LAMA5: variants seen among roughly 807,000 people sequenced by gnomAD.
LAMA5 encodes the protein laminin subunit alpha 5.
Under a neutral mutation model 433.4 loss-of-function variants are expected in LAMA5, and 260 were observed. That is an observed-to-expected ratio of 0.60 (90% CI 0.54 to 0.66). LAMA5 has a LOEUF of 0.66. Among genes scored for constraint, LAMA5 ranks in the 30% least tolerant of loss-of-function variants. The pLI is 0.00. For missense variants in LAMA5, 5,378 were observed against 5,258.5 expected (o/e 1.02, Z -0.70); for synonymous variants, 2,620 against 2,226.6 (o/e 1.18, Z -4.97).
At chr20:62,357,320 G>T (rs1985384100) in intron 2 of LAMA5, among the ~76,000 whole-genome samples, 1 of 152,186 alleles carries the variant, frequency 6.6e-6, no homozygotes, top group African/African-American at 2.4e-5. Flanking sequence ...GGCAGGAAAA[G>T]CCCCTCCTAG....
intron 48 of LAMA5, 146 bp downstream of exon 48, chr20:62,321,873 G>C: frequency 2.5e-6 from 2 of 787,248 alleles, no homozygotes; most frequent in Non-Finnish European, 4.4e-6. Context: ...AGCGTGGTTG[G>C]AGTTGGACAG....
intron 17 of LAMA5, 112 bp downstream of exon 17, chr20:62,336,622 T>C (rs1981676493): frequency 3.8e-6 from 5 of 1,329,594 alleles, no homozygotes; most frequent in Non-Finnish European, 4.3e-6. Flanking sequence ...GGCCCTGGGG[T>C]TGCCATGGCA....
rs1378545112 is a variant in LAMA5, at chr20:62,322,757, C to T, written c.6066G>A (p.Arg2022=). ...CTGTCCCACATGGGGTACAGTCGCA[C>T]CCTGCAGAAGGGGTCCGTGACTGCA... is the stretch of plus-strand genomic sequence containing the variant. ...GNALLPGNCT[R]CDCTPCGTEA... is the part of the protein sequence containing the mutation. Residue 2022 remains arginine, a splice_region_variant and synonymous_variant, in exon 46 of 80, where the codon CGG becomes CGA. Coordinates refer to ENST00000252999, the MANE Select transcript of LAMA5 (RefSeq NM_005560.6). 2.0e-6 allele frequency: 3 copies of T among 1,498,424 alleles called. No homozygotes were observed. The highest frequency in any genetic ancestry group is 1.3e-5 in the South Asian group (1 of 75,610). 92.8% of individuals were successfully genotyped at this position (1,498,424 alleles called of 1,614,324 possible). A position where few individuals can be genotyped will look rare whatever the true frequency, so the allele number is the denominator to read the frequency against.
At chr20:62,360,999 G>A (rs187095155) in intron 2 of LAMA5, among the ~76,000 whole-genome samples, 34 of 152,270 alleles carry the variant, frequency 2.2e-4, no homozygotes, top group African/African-American at 7.7e-4. Context: ...TGGGGTTGCC[G>A]TGGAGACTGG....
rs749283348 is a variant in LAMA5 at position 62,338,530 on chromosome 20, G to C, written c.1556C>G (p.Pro519Arg). The C allele has an allele frequency of 6.2e-7, 1 of 1,610,742 alleles. No individual in the cohort carries two copies. The highest frequency in any genetic ancestry group is 1.1e-5 in the South Asian group (1 of 90,450). Reference protein sequence around the residue: ...DPRVGRCLCKPNFQGTHCELC... With the variant: ...DPRVGRCLCKRNFQGTHCELC... The stretch of plus-strand genomic sequence containing the variant: ...CTCACAATGGGTGCCTTGGAAGTTG[G>C]GTTTGCACAGACAGCGTCCCACCCT... Residue 519 changes from proline (P) to arginine (R), a missense_variant, in exon 12 of 80, where the codon CCC becomes CGC. Physicochemically the swap from Pro to Arg is moderately radical, Grantham distance 103. Coordinates refer to ENST00000252999, the MANE Select transcript of LAMA5 (RefSeq NM_005560.6).
chr20:62,354,931 C>T (rs1162084183), intron 2 of LAMA5, among the ~76,000 whole-genome samples: 3 of 152,204 alleles, frequency 2.0e-5, no homozygotes, highest in Non-Finnish European at 4.4e-5. Flanking sequence ...AAACACGAAC[C>T]TCTCCCCCGC....
At chr20:62,317,587 C>T in intron 54 of LAMA5, 75 bp downstream of exon 54, 3 of 1,521,290 alleles carry the variant, frequency 2.0e-6, no homozygotes, top group African/African-American at 1.4e-5. Context: ...CAAGTGTGCA[C>T]ACAAAGCTGC....
chr20:62,364,679 G>A (rs375454905), intron 1 of LAMA5, among the ~76,000 whole-genome samples: 84 of 152,332 alleles, frequency 5.5e-4, no homozygotes, highest in African/African-American at 1.8e-3. Context: ...AGGCTGGGCC[G>A]GCCAGGGATC....
At chr20:62,310,877 C>T (rs1601270348) in intron 74 of LAMA5, 25 bp downstream of exon 74, 8 of 1,606,612 alleles carry the variant, frequency 5.0e-6, no homozygotes, top group Non-Finnish European at 5.9e-6. Flanking sequence ...CCCTGCCCAC[C>T]ACCTTCCTTC....
chr20:62,329,837 G>A lies in LAMA5; in HGVS notation c.4059C>T (p.Asp1353=), dbSNP rs758954644. The part of the protein sequence containing the change: ...LVVCEGQALL[D]VTHSELTVTV... ...TCACAGTGAGCTCGCTGTGGGTCAC[G>A]TCCAGCAGGGCCTGGCCCTCACACA... The change falls in exon 32 of 80, where the codon GAC becomes GAT. Residue 1353 remains aspartate (D), a synonymous_variant. Coordinates refer to ENST00000252999, the MANE Select transcript of LAMA5 (RefSeq NM_005560.6). 1.2e-5 allele frequency: 20 copies of A among 1,612,384 alleles called. No homozygotes were observed. The highest frequency in any genetic ancestry group is 1.6e-4 in the Middle Eastern group (1 of 6,068).
chr20:62,319,076 C>A (rs1987371660), intron 51 of LAMA5, 63 bp from the exon 52 acceptor site: 2 of 1,432,308 alleles, frequency 1.4e-6, no homozygotes, highest in African/African-American at 1.4e-5. Context: ...TGCCTGCTGG[C>A]TTCCAAGCCC....
intron 28 of LAMA5, 150 bp downstream of exon 28, chr20:62,332,222 G>C (rs946862944): frequency 2.6e-5 from 16 of 614,406 alleles, no homozygotes; most frequent in Non-Finnish European, 3.8e-5. Context: ...CTTGCAGGAG[G>C]GGTTCCAGAA....
At chr20:62,340,059 C>T (rs1242683566) in intron 11 of LAMA5, among the ~76,000 whole-genome samples, 3 of 152,028 alleles carry the variant, frequency 2.0e-5, no homozygotes, top group Admixed American at 6.6e-5. Context: ...ACAGCGGTAA[C>T]GAGACAGAGG....
rs987459461 is a variant in LAMA5 at position 62,327,620 on chromosome 20, G to A, written c.4847C>T (p.Ser1616Leu). 2 of 1,613,074 alleles carry A rather than the reference G, an allele frequency of 1.2e-6. No homozygotes were observed. The highest frequency in any genetic ancestry group is 1.3e-5 in the African/African-American group (1 of 74,930). ...KCDQCSLGTF[S>L]LDAANPKGCT... The stretch of plus-strand genomic sequence containing the variant: ...ACCTTTGGGGTTGGCAGCATCCAGT[G>A]AGAAGGTCCCAAGGCTGCACTGGTC... Residue 1616 changes from serine (S) to leucine (L), a missense_variant, in exon 37 of 80, where the codon TCA becomes TTA. Transcript: ENST00000252999.
rs751129625 is a variant in LAMA5, at chr20:62,325,183, AGCAGGG to A, written c.5529+127_5529+132del. On this transcript the variant is annotated intron_variant, in intron 41 of 79. Transcript: ENST00000252999. ...ATGAGTTGGCCAGCAGCCTGTGAAA[AGCAGGG>A]GCAGGAAGAGAGGTGAGTAGGGTGA... is the stretch of plus-strand genomic sequence containing the variant. The A allele has an allele frequency of 2.2e-4, 131 of 596,466 alleles. No individual in the cohort carries two copies. In the Middle Eastern group the frequency reaches 2.3e-3, roughly 11 times the overall value. The allele number at this position is 596,466 out of a possible 1,614,324, so 36.9% of individuals were successfully genotyped here.
intron 37 of LAMA5, 26 bp from the exon 38 acceptor site, chr20:62,327,432 C>A: frequency 6.3e-7 from 1 of 1,592,904 alleles, no homozygotes; most frequent in Non-Finnish European, 8.6e-7. Flanking sequence ...TGTGGCTGCA[C>A]ACGGGTGGAT....
intron 48 of LAMA5, 114 bp downstream of exon 48, chr20:62,321,905 G>A: frequency 1.9e-6 from 2 of 1,048,814 alleles, no homozygotes; most frequent in Non-Finnish European, 2.9e-6. Context: ...TCGGGAAATG[G>A]AAGGCAGCTG....
chr20:62,326,217 C>CA (rs1979255340), intron 40 of LAMA5, among the ~76,000 whole-genome samples: 1 of 98,674 alleles, frequency 1.0e-5, no homozygotes, highest in South Asian at 3.5e-4. Context: ...AAGACTGTCT[C>CA]AAAAAACAAA....
intron 34 of LAMA5, among the ~76,000 whole-genome samples, 171 bp from the exon 35 acceptor site, chr20:62,328,616 G>A (rs1979752345): frequency 6.8e-6 from 1 of 146,140 alleles, no homozygotes; most frequent in African/African-American, 2.6e-5. Flanking sequence ...GGAGGCAGCT[G>A]CTCAGAATCA....
Sources: gnomAD v4.1 joint callset for allele counts (sites outside exome capture counted in the v4.1 genomes callset) on GRCh38, gnomAD v4.1.1 for gene constraint, MANE v1.5 for transcripts, NCBI Gene and HGNC (gene_info 2026-07-23, HGNC 2026-07-21) for gene names.